Variants in CHCHD3 observed in about 807,000 individuals in gnomAD.
The protein encoded by CHCHD3 is MICOS complex subunit MIC19.
CHCHD3 carries 20 observed loss-of-function variants against 38.2 expected under a neutral mutation model. The observed-to-expected ratio is 0.52, with a 90% CI of 0.37 to 0.76. The LOEUF (loss-of-function observed/expected upper bound fraction) is 0.76. Among genes scored for constraint, CHCHD3 ranks in the 30% least tolerant of loss-of-function variants. CHCHD3 has a pLI of 0.00. For synonymous variants in CHCHD3, 82 were observed against 100.0 expected (o/e 0.82, Z 1.07); for missense variants, 245 against 279.2 (o/e 0.88, Z 0.87).
chr7:132,915,850 T>C (rs1460963715), intron 4 of CHCHD3, among the ~76,000 whole-genome samples: 1 of 152,184 alleles, frequency 6.6e-6, no homozygotes, highest in Non-Finnish European at 1.5e-5. Context: ...ATGTTTAACT[T>C]TGTGAACTCA....
At chr7:132,789,462 C>T (rs1806404947) in intron 7 of CHCHD3, among the ~76,000 whole-genome samples, 1 of 152,182 alleles carries the variant, frequency 6.6e-6, no homozygotes, top group South Asian at 2.1e-4. Context: ...CGGCAGCTCA[C>T]AAATAAGAAC....
intron 4 of CHCHD3, among the ~76,000 whole-genome samples, chr7:132,912,226 T>C (rs764707259): frequency 1.6e-4 from 24 of 152,226 alleles, no homozygotes; most frequent in Non-Finnish European, 2.4e-4. Flanking sequence ...AGTCTTTATA[T>C]AACTACCATA....
chr7:133,035,851 A>G lies in CHCHD3; in HGVS notation c.170-11224T>C. The G allele has an allele frequency of 1.2e-6, 2 of 1,613,204 alleles. No individual in the cohort carries two copies. Among genetic ancestry groups the G allele is most frequent in the Non-Finnish European group, 1.7e-6 (2 of 1,179,178 alleles). On this transcript the variant is annotated intron_variant, in intron 2 of 7. Transcript: ENST00000262570. The surrounding 1 kb of genome is among the most constrained non-coding windows in gnomAD (Gnocchi z 4.7). ...AGCACGCGGATCTGAGCCCCGCTGT[A>G]CTGAGCAGCGATGAGAGCCTTGAAG...
chr7:132,987,963 T>G (rs1039796161), intron 3 of CHCHD3, among the ~76,000 whole-genome samples: 2 of 152,202 alleles, frequency 1.3e-5, no homozygotes, highest in South Asian at 4.1e-4. Flanking sequence ...ATGATTTTCT[T>G]ACTAACATTT....
intron 2 of CHCHD3, among the ~76,000 whole-genome samples, chr7:133,064,458 G>T (rs567743849): frequency 6.6e-6 from 1 of 152,284 alleles, no homozygotes; most frequent in African/African-American, 2.4e-5. Context: ...CTTGTAACTC[G>T]AGTCAAAGGA....
At chr7:133,058,114 C>G (rs919128195) in intron 2 of CHCHD3, among the ~76,000 whole-genome samples, 3 of 152,082 alleles carry the variant, frequency 2.0e-5, no homozygotes, top group African/African-American at 7.2e-5. Flanking sequence ...CAAAATTAAA[C>G]AAAAGCTGCT....
intron 5 of CHCHD3, among the ~76,000 whole-genome samples, chr7:132,852,889 C>T (rs1808253011): frequency 6.6e-6 from 1 of 152,194 alleles, no homozygotes; most frequent in South Asian, 2.1e-4. Context: ...TAGACACATT[C>T]TAATAGAGGC....
chr7:132,895,526 C>T (rs991041662), intron 4 of CHCHD3, among the ~76,000 whole-genome samples: 1 of 152,242 alleles, frequency 6.6e-6, no homozygotes, highest in Admixed American at 6.5e-5. Context: ...CCACCTAAAT[C>T]TCATCTTGAA....
At chr7:132,837,116 C>T (rs17133245) in intron 6 of CHCHD3, among the ~76,000 whole-genome samples, 2,361 of 152,294 alleles carry the variant, frequency 0.016, 55 homozygotes, top group African/African-American at 0.053. Flanking sequence ...GAAAACTTCA[C>T]AGATCACTCT....
intron 6 of CHCHD3, among the ~76,000 whole-genome samples, chr7:132,835,002 G>A (rs1480738394): frequency 6.6e-6 from 1 of 150,570 alleles, no homozygotes; most frequent in African/African-American, 2.4e-5. Context: ...ACAGGGTCTT[G>A]ATCTGTTGCC....
intron 5 of CHCHD3, among the ~76,000 whole-genome samples, chr7:132,839,954 A>G (rs1807897251): frequency 6.6e-6 from 1 of 152,220 alleles, no homozygotes; most frequent in Admixed American, 6.5e-5. Flanking sequence ...GATCGATTGT[A>G]ATTTTTTATC....
chr7:132,907,119 A>G (rs1380400489), intron 4 of CHCHD3, among the ~76,000 whole-genome samples: 1 of 152,250 alleles, frequency 6.6e-6, no homozygotes, highest in Non-Finnish European at 1.5e-5. Flanking sequence ...CTATTCATTT[A>G]TTGAATAAGC....
chr7:132,883,084 C>T (rs965975993), intron 5 of CHCHD3, among the ~76,000 whole-genome samples: 4 of 152,180 alleles, frequency 2.6e-5, no homozygotes, highest in Non-Finnish European at 5.9e-5. Context: ...TTCCCTTTCA[C>T]CTTCTGCCGT....
At chr7:133,024,161 G>A (rs1180105798) in intron 3 of CHCHD3, among the ~76,000 whole-genome samples, 2 of 152,120 alleles carry the variant, frequency 1.3e-5, no homozygotes, top group African/African-American at 4.8e-5. Context: ...TATCACACAC[G>A]ATATTCATCA....
At chr7:132,970,672 C>T (rs1811590711) in intron 4 of CHCHD3, among the ~76,000 whole-genome samples, 1 of 151,902 alleles carries the variant, frequency 6.6e-6, no homozygotes, top group Non-Finnish European at 1.5e-5. Context: ...ACAGTAAGCA[C>T]TCAATAAAAC....
chr7:132,879,185 A>G lies in CHCHD3; in HGVS notation c.453+6477T>C, dbSNP rs117551544. Among the ~76,000 whole-genome samples the G allele has an allele frequency of 1.3e-3, 195 of 152,316 alleles. 4 individuals are homozygous for G. In the East Asian group the frequency reaches 0.032, roughly 25 times the overall value. On this transcript the variant is annotated intron_variant, in intron 5 of 7. Transcript: ENST00000262570. ...CCATTTTTTACATACAGCACATAGA[A>G]TAATATTTTAAGTGGCCCATCTTAC...
chr7:133,025,747 G>A (rs901684363), intron 2 of CHCHD3, among the ~76,000 whole-genome samples: 4 of 152,074 alleles, frequency 2.6e-5, no homozygotes, highest in South Asian at 2.1e-4. Flanking sequence ...CTCATGATCC[G>A]CCCACCTTGG....
At chr7:133,028,081 A>G (rs1813395649) in intron 2 of CHCHD3, among the ~76,000 whole-genome samples, 1 of 152,214 alleles carries the variant, frequency 6.6e-6, no homozygotes, top group Non-Finnish European at 1.5e-5. Context: ...TTCAAGTTGC[A>G]TACAACCAGT....
At chr7:133,065,119 T>A (rs1241045976) in intron 2 of CHCHD3, among the ~76,000 whole-genome samples, 1 of 152,156 alleles carries the variant, frequency 6.6e-6, no homozygotes, top group African/African-American at 2.4e-5. Context: ...TTATCTGGTA[T>A]AAAAGCAAAC....
Sources: gnomAD v4.1 joint callset for allele counts (sites outside exome capture counted in the v4.1 genomes callset) on GRCh38, gnomAD v4.1.1 for gene constraint, Gnocchi (gnomAD v3.1) non-coding constraint, MANE v1.5 for transcripts, NCBI Gene and HGNC (gene_info 2026-07-23, HGNC 2026-07-21) for gene names.